Variants in DAB1 observed in about 807,000 individuals in gnomAD.
DAB1 encodes the protein DAB adaptor protein 1.
A neutral mutation model predicts 64.6 loss-of-function variants in DAB1; 15 were observed. The ratio of observed to expected loss-of-function variants is 0.23; its 90% CI spans 0.16 to 0.36. The LOEUF (loss-of-function observed/expected upper bound fraction) is 0.36, where lower values mean the gene tolerates loss of function less well. Ranked by LOEUF, DAB1 falls within the 10% of genes least tolerant of loss-of-function variation. The probability of loss-of-function intolerance (pLI) is 1.00; values close to 1 mark genes in which losing one functional copy is unlikely to be tolerated. For synonymous variants in DAB1, 235 were observed against 251.9 expected (o/e 0.93, Z 0.64); for missense variants, 596 against 706.7 (o/e 0.84, Z 1.78).
At chr1:57,273,159 G>T (rs1027685031) in intron 2 of DAB1, among the ~76,000 whole-genome samples, 3 of 152,228 alleles carry the variant, frequency 2.0e-5, no homozygotes, top group Non-Finnish European at 4.4e-5. Context: ...CCAGATGGTA[G>T]TGAATTGAAG....
chr1:57,121,924 T>C (rs935888444), intron 4 of DAB1, among the ~76,000 whole-genome samples: 2 of 152,108 alleles, frequency 1.3e-5, no homozygotes, highest in African/African-American at 4.8e-5. Flanking sequence ...AAAGTGGTTT[T>C]CTGTGGTTGT....
At chr1:57,029,989 T>A (rs1646916941) in intron 9 of DAB1, among the ~76,000 whole-genome samples, 1 of 151,880 alleles carries the variant, frequency 6.6e-6, no homozygotes, top group Non-Finnish European at 1.5e-5. Flanking sequence ...GGACATGAGA[T>A]TTGGAGGGGC....
chr1:57,780,719 T>C (rs1239857156), intron 6 of DAB1, among the ~76,000 whole-genome samples: 2 of 152,018 alleles, frequency 1.3e-5, no homozygotes, highest in Admixed American at 6.6e-5. Context: ...CTTTCTTTTT[T>C]TCTTTTCTTT....
intron 4 of DAB1, among the ~76,000 whole-genome samples, chr1:58,330,057 A>G (rs1190769139): frequency 1.3e-5 from 2 of 152,232 alleles, no homozygotes; most frequent in Non-Finnish European, 1.5e-5. Flanking sequence ...AGATAGTCCA[A>G]AAGCTAGGTC....
intron 5 of DAB1, among the ~76,000 whole-genome samples, chr1:58,055,111 A>T (rs1647972206): frequency 6.6e-6 from 1 of 152,266 alleles, no homozygotes; most frequent in African/African-American, 2.4e-5. Flanking sequence ...TTCCCATTTA[A>T]CAGATGGGAG....
At chr1:58,299,180 C>T (rs762599730) in intron 4 of DAB1, among the ~76,000 whole-genome samples, 1 of 152,160 alleles carries the variant, frequency 6.6e-6, no homozygotes, top group Non-Finnish European at 1.5e-5. Flanking sequence ...GAGTATCATA[C>T]CTTATTTTAC....
chr1:58,363,867 T>G (rs1379475815), intron 3 of DAB1, among the ~76,000 whole-genome samples: 1 of 152,190 alleles, frequency 6.6e-6, no homozygotes, highest in African/African-American at 2.4e-5. Context: ...GGAGCCCTTA[T>G]CTCCCTTCTA....
intron 3 of DAB1, among the ~76,000 whole-genome samples, chr1:58,387,118 A>G (rs1046409813): frequency 2.0e-5 from 3 of 152,216 alleles, no homozygotes; most frequent in Non-Finnish European, 2.9e-5. Context: ...TGGAAATTTA[A>G]AAGTCCTGTC....
At chr1:58,485,035 T>C (rs1421327212) in intron 3 of DAB1, among the ~76,000 whole-genome samples, 3 of 151,940 alleles carry the variant, frequency 2.0e-5, no homozygotes, top group Non-Finnish European at 2.9e-5. Context: ...GAGTAAACCC[T>C]AATGGACTTT....
chr1:58,096,541 G>C (rs1242923469), intron 5 of DAB1, among the ~76,000 whole-genome samples: 1 of 152,174 alleles, frequency 6.6e-6, no homozygotes, highest in Non-Finnish European at 1.5e-5. Flanking sequence ...GATAAAAGTA[G>C]TCATTAAGAC....
At chr1:57,711,059 A>G (rs1288179891) in intron 6 of DAB1, among the ~76,000 whole-genome samples, 3 of 152,220 alleles carry the variant, frequency 2.0e-5, no homozygotes, top group Non-Finnish European at 2.9e-5. Flanking sequence ...GAGTAATTGT[A>G]GAAGTTACAT....
intron 5 of DAB1, among the ~76,000 whole-genome samples, chr1:58,135,489 T>C (rs1373873508): frequency 6.6e-6 from 1 of 152,164 alleles, no homozygotes; most frequent in Non-Finnish European, 1.5e-5. Flanking sequence ...TTGTGAAATT[T>C]ATAATTACAT....
intron 5 of DAB1, among the ~76,000 whole-genome samples, chr1:57,906,318 A>T (rs1394892607): frequency 6.6e-6 from 1 of 152,210 alleles, no homozygotes; most frequent in African/African-American, 2.4e-5. Flanking sequence ...TCCTCAAAAC[A>T]TCCCTATGAG....
chr1:57,628,553 T>A (rs1558555381), intron 7 of DAB1, among the ~76,000 whole-genome samples: 2 of 152,046 alleles, frequency 1.3e-5, no homozygotes, highest in Non-Finnish European at 2.9e-5. Context: ...TCCCATAAAA[T>A]CCCATCCAAA....
intron 3 of DAB1, among the ~76,000 whole-genome samples, chr1:58,442,121 G>A (rs538657485): frequency 6.6e-6 from 1 of 152,296 alleles, no homozygotes; most frequent in East Asian, 1.9e-4. Flanking sequence ...TATTTATTGT[G>A]TGCGTGTGTG....
intron 3 of DAB1, among the ~76,000 whole-genome samples, chr1:58,504,175 T>C (rs765171209): frequency 1.3e-5 from 2 of 152,214 alleles, no homozygotes; most frequent in Non-Finnish European, 2.9e-5. Flanking sequence ...GCTTCTCCTA[T>C]CACTTGAAGT....
At chr1:57,406,419 G>A (rs1363107493) in intron 1 of DAB1, among the ~76,000 whole-genome samples, 1 of 152,140 alleles carries the variant, frequency 6.6e-6, no homozygotes, top group African/African-American at 2.4e-5. Context: ...GTCTCTTCCT[G>A]GGTCTTGTGG....
intron 7 of DAB1, among the ~76,000 whole-genome samples, chr1:57,598,262 G>A (rs1049691400): frequency 2.0e-5 from 3 of 152,144 alleles, no homozygotes; most frequent in Admixed American, 6.5e-5. Flanking sequence ...GATTACAGGC[G>A]TGAGCCACGG....
At chr1:57,338,980 A>G (rs960575488) in intron 1 of DAB1, among the ~76,000 whole-genome samples, 1 of 152,158 alleles carries the variant, frequency 6.6e-6, no homozygotes, top group Non-Finnish European at 1.5e-5. Flanking sequence ...TCCTCTGTAA[A>G]ATAGGGATAA....
Sources: allele counts gnomAD v4.1 joint callset (sites outside exome capture counted in the v4.1 genomes callset), GRCh38; gene constraint gnomAD v4.1.1; transcripts MANE v1.5; gene names NCBI Gene and HGNC (gene_info 2026-07-23, HGNC 2026-07-21).